The following IKZF3 variants were observed in gnomAD, a reference collection of about 807,000 sequenced individuals.
IKZF3 encodes the protein IKAROS family zinc finger 3.
IKZF3 carries 10 observed loss-of-function variants against 49.0 expected under a neutral mutation model. The ratio of observed to expected loss-of-function variants is 0.20; its 90% CI spans 0.13 to 0.35. The LOEUF is 0.35. IKZF3 is among the 10% of genes least tolerant of loss of function. The pLI is 1.00. For missense variants in IKZF3, 498 were observed against 664.8 expected (o/e 0.75, Z 2.76); for synonymous variants, 209 against 228.2 (o/e 0.92, Z 0.76).
intron 3 of IKZF3, among the ~76,000 whole-genome samples, chr17:39,808,450 A>T (rs958790651): frequency 6.6e-6 from 1 of 152,202 alleles, no homozygotes; most frequent in South Asian, 2.1e-4. Context: ...GCTCTTTCTA[A>T]ATTGGGCTAA....
At chr17:39,843,651 G>A (rs1394371394) in intron 1 of IKZF3, among the ~76,000 whole-genome samples, 1 of 152,010 alleles carries the variant, frequency 6.6e-6, no homozygotes, top group East Asian at 1.9e-4. Context: ...AATAGCACCA[G>A]AAGTAACTGA....
chr17:39,864,076 G>C, intron 1 of IKZF3, 44 bp downstream of exon 1: 1 of 1,612,706 alleles, frequency 6.2e-7, no homozygotes, highest in Non-Finnish European at 8.5e-7. Flanking sequence ...CACAGGTTAA[G>C]TTTCTCAAAG....
At chr17:39,837,127 G>T (rs1487966426) in intron 1 of IKZF3, among the ~76,000 whole-genome samples, 1 of 151,668 alleles carries the variant, frequency 6.6e-6, no homozygotes, top group East Asian at 1.9e-4. Flanking sequence ...AGGGACGGGG[G>T]TCTCACTGTG....
intron 3 of IKZF3, among the ~76,000 whole-genome samples, chr17:39,816,331 CA>C (rs1209577152): frequency 1.3e-5 from 2 of 152,176 alleles, no homozygotes; most frequent in Non-Finnish European, 2.9e-5. Context: ...GAAATGGTTA[CA>C]CAAACACTGT....
rs1267226424 is a variant in IKZF3, at chr17:39,757,963, T to C, written c.*7827A>G. 6.6e-6 allele frequency: 1 copy of C among 152,114 alleles called. No individual in the cohort carries two copies. Among genetic ancestry groups the C allele is most frequent in the Non-Finnish European group, 1.5e-5 (1 of 68,024 alleles). 9.4% of individuals were successfully genotyped at this position (152,114 alleles called of 1,614,324 possible). A position where few individuals can be genotyped will look rare whatever the true frequency, so the allele number is the denominator to read the frequency against. On this transcript the variant is annotated 3_prime_UTR_variant, in exon 8 of 8. Coordinates refer to ENST00000346872, the MANE Select transcript of IKZF3 (RefSeq NM_012481.5). ...AAGTCACCACTGGGCAGGGAGGGCA[T>C]TTCTGAGAAATGCAGATGAGAGGAG... is the stretch of plus-strand genomic sequence containing the variant.
At chr17:39,778,724 C>T (rs2060653586) in intron 6 of IKZF3, among the ~76,000 whole-genome samples, 1 of 152,214 alleles carries the variant, frequency 6.6e-6, no homozygotes, top group South Asian at 2.1e-4. Flanking sequence ...TCACTTGAAC[C>T]TGGGAGGCAG....
intron 7 of IKZF3, among the ~76,000 whole-genome samples, chr17:39,769,539 T>C (rs2060383449): frequency 6.6e-6 from 1 of 152,198 alleles, no homozygotes; most frequent in African/African-American, 2.4e-5. Context: ...CCAGATTGGA[T>C]ATATCTTTGG....
At chr17:39,813,308 A>G (rs1215700873) in intron 3 of IKZF3, among the ~76,000 whole-genome samples, 1 of 151,454 alleles carries the variant, frequency 6.6e-6, no homozygotes, top group Non-Finnish European at 1.5e-5. Flanking sequence ...GTTATGAAAA[A>G]AAAAAAAAAG....
rs150181732 is a variant in IKZF3, at chr17:39,757,927, G to A, written c.*7863C>T. The A allele has an allele frequency of 9.2e-5, 14 of 152,326 alleles. 1 individual carries two copies. The East Asian group carries it at 2.7e-3, about 29-fold the overall frequency. 9.4% of individuals were successfully genotyped at this position (152,326 alleles called of 1,614,324 possible). A position where few individuals can be genotyped will look rare whatever the true frequency, so the allele number is the denominator to read the frequency against. On this transcript the variant is annotated 3_prime_UTR_variant, in exon 8 of 8. Coordinates refer to ENST00000346872, the MANE Select transcript of IKZF3 (RefSeq NM_012481.5). ...GGGCTCCAGGTAGAACTCCATAGGA[G>A]TGACGAGGGAAAGTCACCACTGGGC...
intron 3 of IKZF3, among the ~76,000 whole-genome samples, chr17:39,798,601 G>C (rs1252362432): frequency 6.6e-6 from 1 of 151,724 alleles, no homozygotes; most frequent in Admixed American, 6.6e-5. Flanking sequence ...TGCCTCCCGG[G>C]TTCATGCCAT....
At chr17:39,834,306 T>G (rs1392674321) in intron 1 of IKZF3, among the ~76,000 whole-genome samples, 1 of 152,204 alleles carries the variant, frequency 6.6e-6, no homozygotes, top group East Asian at 1.9e-4. Context: ...ACTTTGGGCT[T>G]AACTTACTCT....
chr17:39,770,638 C>T (rs930216460), intron 7 of IKZF3, among the ~76,000 whole-genome samples: 10 of 151,804 alleles, frequency 6.6e-5, no homozygotes, highest in Admixed American at 2.0e-4. Flanking sequence ...GACCCACCAC[C>T]CTAATATGTT....
At chr17:39,845,249 C>A (rs980707551) in intron 1 of IKZF3, among the ~76,000 whole-genome samples, 1 of 152,062 alleles carries the variant, frequency 6.6e-6, no homozygotes, top group Admixed American at 6.6e-5. Flanking sequence ...AGGCCAGGCA[C>A]GGTGGCTCAT....
At chr17:39,801,254 C>A (rs1350547399) in intron 3 of IKZF3, among the ~76,000 whole-genome samples, 1 of 150,990 alleles carries the variant, frequency 6.6e-6, no homozygotes, top group African/African-American at 2.4e-5. Context: ...GAAGCTTAAT[C>A]ATCTTAATGT....
intron 7 of IKZF3, among the ~76,000 whole-genome samples, chr17:39,773,164 G>A (rs183378963): frequency 2.0e-5 from 3 of 152,260 alleles, no homozygotes; most frequent in Admixed American, 6.5e-5. Context: ...AAAGCCCCGC[G>A]CATGACATGC....
chr17:39,843,672 G>A (rs1390695045), intron 1 of IKZF3, among the ~76,000 whole-genome samples: 2 of 151,868 alleles, frequency 1.3e-5, no homozygotes, highest in Admixed American at 6.6e-5. Context: ...GTGTAGTTTC[G>A]AAGAGAAAAA....
chr17:39,829,395 T>C lies in IKZF3; in HGVS notation c.155A>G (p.Asp52Gly). Reference sequence around the variant, plus strand: ...TGCACACTACGGCTCACCTCCTATGTCTTCATCTTCATTGGCTGGGCCTTC... The same window carrying C: ...TGCACACTACGGCTCACCTCCTATGCCTTCATCTTCATTGGCTGGGCCTTC... Reference protein sequence around the residue: ...SGEGPANEDEDIGDDSMKVKD... With the variant: ...SGEGPANEDEGIGDDSMKVKD... The change falls in exon 3 of 8, where the codon GAC becomes GGC. Residue 52 changes from aspartate to glycine, a missense_variant. Coordinates refer to ENST00000346872, the MANE Select transcript of IKZF3 (RefSeq NM_012481.5). 1 of 1,611,860 alleles carries C rather than the reference T, an allele frequency of 6.2e-7. No homozygotes were observed.
At chr17:39,791,692 C>T in intron 4 of IKZF3, 109 bp from the exon 5 acceptor site, 2 of 1,120,056 alleles carry the variant, frequency 1.8e-6, no homozygotes, top group African/African-American at 1.5e-5. Flanking sequence ...TTACTGTTCA[C>T]ATTGGGATCA....
intron 1 of IKZF3, among the ~76,000 whole-genome samples, chr17:39,837,784 G>T (rs1030128171): frequency 2.6e-5 from 4 of 151,552 alleles, no homozygotes; most frequent in Admixed American, 6.6e-5. Flanking sequence ...GACTACAGGC[G>T]CCCACCACCA....
Sources: gnomAD v4.1 joint callset for allele counts (sites outside exome capture counted in the v4.1 genomes callset) on GRCh38, gnomAD v4.1.1 for gene constraint, MANE v1.5 for transcripts, NCBI Gene and HGNC (gene_info 2026-07-23, HGNC 2026-07-21) for gene names.